Variants in FGF14 observed in about 807,000 individuals in gnomAD.
The protein encoded by FGF14 is fibroblast growth factor homologous factor 4.
Under a neutral mutation model 25.5 loss-of-function variants are expected in FGF14, and 5 were observed. The ratio of observed to expected loss-of-function variants is 0.20; its 90% confidence interval spans 0.10 to 0.41. The LOEUF (loss-of-function observed/expected upper bound fraction) is 0.41, where lower values mean the gene tolerates loss of function less well. Among genes scored for constraint, FGF14 ranks in the 10% least tolerant of loss-of-function variants. The probability of loss-of-function intolerance (pLI) is 1.00; values close to 1 mark genes in which losing one functional copy is unlikely to be tolerated. For synonymous variants in FGF14, 138 were observed against 118.3 expected (o/e 1.17, Z -1.08); for missense variants, 222 against 320.1 (o/e 0.69, Z 2.34).
At chr13:102,159,064 C>T (rs2047498323) in intron 1 of FGF14, among the ~76,000 whole-genome samples, 1 of 146,428 alleles carries the variant, frequency 6.8e-6, no homozygotes, top group East Asian at 2.0e-4. Context: ...CACTTGAACC[C>T]AGGGGATGGA....
intron 3 of FGF14, among the ~76,000 whole-genome samples, chr13:101,819,458 G>A (rs1173989433): frequency 1.3e-5 from 2 of 152,156 alleles, no homozygotes; most frequent in Admixed American, 1.3e-4. Context: ...GAATAGGAGA[G>A]AAATGGGCAC....
At chr13:102,137,904 C>G (rs574293539) in intron 1 of FGF14, among the ~76,000 whole-genome samples, 2 of 146,692 alleles carry the variant, frequency 1.4e-5, no homozygotes, top group Admixed American at 1.4e-4. Flanking sequence ...AGGTGGGCCT[C>G]AGTCCAGGGT....
At chr13:101,988,928 A>T (rs1387437220) in intron 1 of FGF14, among the ~76,000 whole-genome samples, 1 of 152,112 alleles carries the variant, frequency 6.6e-6, no homozygotes, top group Non-Finnish European at 1.5e-5. Flanking sequence ...TTTTACCCAC[A>T]GATGGAAAAT....
intron 3 of FGF14, among the ~76,000 whole-genome samples, chr13:101,749,287 A>T (rs190730336): frequency 6.6e-6 from 1 of 152,066 alleles, no homozygotes; most frequent in African/African-American, 2.4e-5. Context: ...TGGAAAGATT[A>T]AGCAAACTGT....
chr13:102,050,567 T>G (rs1327683471), intron 1 of FGF14, among the ~76,000 whole-genome samples: 1 of 152,124 alleles, frequency 6.6e-6, no homozygotes, highest in East Asian at 1.9e-4. Context: ...AATTAATAAA[T>G]CTACAGATTC....
intron 1 of FGF14, among the ~76,000 whole-genome samples, chr13:102,135,187 G>A (rs967256432): frequency 2.0e-5 from 3 of 152,146 alleles, no homozygotes; most frequent in African/African-American, 7.2e-5. Context: ...CAGCCTGGGT[G>A]ACAGAGCAAG....
Position 101,916,442 on chromosome 13 carries a change from C to G in FGF14, c.193+11G>C, listed in dbSNP as rs769480580. Reference sequence around the variant, plus strand: ...CCCGGGGCGCATCTCCCGACCATGACCCCCACAGACCTTGGCGCCGCAACC... The same window carrying G: ...CCCGGGGCGCATCTCCCGACCATGAGCCCCACAGACCTTGGCGCCGCAACC... On this transcript the variant is annotated intron_variant, in intron 1 of 4. Coordinates refer to ENST00000376143, the MANE Select transcript of FGF14 (RefSeq NM_004115.4). 6.2e-6 allele frequency: 10 copies of G among 1,613,742 alleles called. No individual in the cohort carries two copies. Among genetic ancestry groups the G allele is most frequent in the African/African-American group, 4.0e-5 (3 of 74,938 alleles).
chr13:102,127,684 G>A (rs1415491395), intron 1 of FGF14, among the ~76,000 whole-genome samples: 4 of 152,176 alleles, frequency 2.6e-5, no homozygotes, highest in Admixed American at 2.6e-4. Context: ...TTCATAAAAT[G>A]TTGGTTGATC....
At chr13:101,867,552 T>C (rs185758551) in intron 3 of FGF14, among the ~76,000 whole-genome samples, 81 of 152,304 alleles carry the variant, frequency 5.3e-4, no homozygotes, top group Middle Eastern at 3.4e-3. Flanking sequence ...ATCAAAAAGA[T>C]TGAGCTGTAT....
chr13:102,139,239 T>C (rs1025116466), intron 1 of FGF14, among the ~76,000 whole-genome samples: 7 of 146,774 alleles, frequency 4.8e-5, no homozygotes, highest in East Asian at 2.0e-4. Context: ...ATCTATGAAA[T>C]AGAAAATACC....
At chr13:101,951,232 A>T (rs527340327) in intron 1 of FGF14, among the ~76,000 whole-genome samples, 61 of 152,318 alleles carry the variant, frequency 4.0e-4, no homozygotes, top group African/African-American at 1.4e-3. Context: ...GTAATCAAAG[A>T]ATGATGTTCA....
chr13:102,179,061 G>A (rs1047553379), intron 1 of FGF14, among the ~76,000 whole-genome samples: 2 of 152,056 alleles, frequency 1.3e-5, no homozygotes, highest in African/African-American at 4.8e-5. Context: ...GTCAAGTGTC[G>A]TCTGCAGAAC....
chr13:102,015,974 T>C (rs1797242024), intron 1 of FGF14, among the ~76,000 whole-genome samples: 2 of 152,144 alleles, frequency 1.3e-5, no homozygotes, highest in South Asian at 4.1e-4. Flanking sequence ...AAAACTAGGC[T>C]GAGAGATTAG....
chr13:102,356,662 T>C (rs2057424776), intron 1 of FGF14, among the ~76,000 whole-genome samples: 1 of 152,316 alleles, frequency 6.6e-6, no homozygotes, highest in East Asian at 1.9e-4. Context: ...AGTCCCACTG[T>C]TTACTGTCCC....
chr13:102,212,794 G>T (rs1443475626), intron 1 of FGF14, among the ~76,000 whole-genome samples: 1 of 152,166 alleles, frequency 6.6e-6, no homozygotes, highest in African/African-American at 2.4e-5. Context: ...CATATTATGA[G>T]TTGAATTATG....
At chr13:101,850,281 A>AC (rs2043692667) in intron 3 of FGF14, among the ~76,000 whole-genome samples, 5 of 43,032 alleles carry the variant, frequency 1.2e-4, no homozygotes, top group South Asian at 1.2e-3. Context: ...TAAAAATCCA[A>AC]AAAAAAAAAA....
intron 1 of FGF14, among the ~76,000 whole-genome samples, chr13:101,929,984 T>C (rs2034641658): frequency 6.6e-6 from 1 of 152,238 alleles, no homozygotes; most frequent in African/African-American, 2.4e-5. Flanking sequence ...TCTGTAGCTG[T>C]GGAGCAAGCT....
chr13:102,040,969 T>A (rs1420030099), intron 1 of FGF14, among the ~76,000 whole-genome samples: 5 of 152,094 alleles, frequency 3.3e-5, no homozygotes. Flanking sequence ...TTGGTGCACC[T>A]GTTGAGGCAG....
intron 1 of FGF14, among the ~76,000 whole-genome samples, chr13:102,052,729 A>G (rs904305792): frequency 6.6e-6 from 1 of 152,120 alleles, no homozygotes; most frequent in South Asian, 2.1e-4. Flanking sequence ...TCAGACAAAC[A>G]AAAGTTGAGG....
Sources: allele counts gnomAD v4.1 joint callset (sites outside exome capture counted in the v4.1 genomes callset), GRCh38; gene constraint gnomAD v4.1.1; transcripts MANE v1.5; gene names NCBI Gene and HGNC (gene_info 2026-07-23, HGNC 2026-07-21).